The following KLHL6 variants were observed in gnomAD, a reference collection of about 807,000 sequenced individuals.
The protein encoded by KLHL6 is kelch-like protein 6.
KLHL6 carries 41 observed loss-of-function variants against 58.6 expected under a neutral mutation model. That is an observed-to-expected ratio of 0.70 (90% CI 0.55 to 0.91). The LOEUF (loss-of-function observed/expected upper bound fraction) is 0.91, where lower values mean the gene tolerates loss of function less well. KLHL6 is among the 40% of genes least tolerant of loss of function. The pLI is 0.00. For synonymous variants in KLHL6, 338 were observed against 322.7 expected (o/e 1.05, Z -0.51); for missense variants, 714 against 805.6 (o/e 0.89, Z 1.38).
rs553791102 is a variant in KLHL6 at position 183,487,966 on chromosome 3, C to A, written c.*3961G>T. The A allele has an allele frequency of 4.6e-5, 7 of 152,286 alleles. No homozygotes were observed. The highest frequency in any genetic ancestry group is 1.4e-4 in the African/African-American group (6 of 41,542). 9.4% of individuals were successfully genotyped at this position (152,286 alleles called of 1,614,324 possible). On this transcript the variant is annotated 3_prime_UTR_variant, in exon 7 of 7. Transcript: ENST00000341319. ...GATAAGCAAATAACTCACAACAGTACCTCATAGTCTTCTATAAATAGCTAA... is the reference window on the plus strand; with the variant it reads ...GATAAGCAAATAACTCACAACAGTAACTCATAGTCTTCTATAAATAGCTAA...
chr3:183,517,917 G>A (rs1045516939), intron 2 of KLHL6, among the ~76,000 whole-genome samples: 1 of 152,208 alleles, frequency 6.6e-6, no homozygotes, highest in Non-Finnish European at 1.5e-5. Flanking sequence ...AGCAGGAATG[G>A]AAGCAGAAGA....
intron 3 of KLHL6, among the ~76,000 whole-genome samples, chr3:183,507,230 T>C (rs1238204822): frequency 6.6e-6 from 1 of 151,968 alleles, no homozygotes; most frequent in Non-Finnish European, 1.5e-5. Flanking sequence ...GTGAATAAAT[T>C]GGAGGGAGGC....
At chr3:183,549,840 C>T (rs576652713) in intron 1 of KLHL6, among the ~76,000 whole-genome samples, 4 of 152,064 alleles carry the variant, frequency 2.6e-5, no homozygotes, top group South Asian at 2.1e-4. Flanking sequence ...TTTGGGAGGC[C>T]GGGTCAGGAG....
At chr3:183,498,349 C>T (rs1044618540) in intron 4 of KLHL6, among the ~76,000 whole-genome samples, 1 of 152,198 alleles carries the variant, frequency 6.6e-6, no homozygotes, top group African/African-American at 2.4e-5. Context: ...GGAGGAAACA[C>T]GCTCTGGGGT....
At chr3:183,525,780 G>A (rs1183744033) in intron 2 of KLHL6, among the ~76,000 whole-genome samples, 4 of 152,168 alleles carry the variant, frequency 2.6e-5, no homozygotes, top group South Asian at 2.1e-4. Flanking sequence ...GCAGACCTGC[G>A]GCAATGCCCA....
intron 4 of KLHL6, among the ~76,000 whole-genome samples, chr3:183,497,561 C>T (rs1352283218): frequency 6.6e-6 from 1 of 152,160 alleles, no homozygotes; most frequent in Non-Finnish European, 1.5e-5. Context: ...TAAGGGAGGT[C>T]ATGTGGCTAG....
At position 183,492,128 on chromosome 3, in the gene KLHL6, G is replaced by A. The variant is rs566509636; in HGVS notation, c.1665C>T (p.Pro555=). The A allele has an allele frequency of 6.2e-7, 1 of 1,613,784 alleles. No individual in the cohort carries two copies. The highest frequency in any genetic ancestry group is 1.7e-5 in the Admixed American group (1 of 60,032). ...SHERASCGIA[P]CNNRLYITGG... is the part of the protein sequence containing the mutation. ...CGGTGATGTAGAGCCGGTTGTTGCA[G>A]GGCGCGATACCGCAGCTGGCCCGCT... Residue 555 remains proline, a synonymous_variant, in exon 7 of 7, where the codon CCC becomes CCT. Coordinates refer to ENST00000341319, the MANE Select transcript of KLHL6 (RefSeq NM_130446.4). The surrounding 1 kb of genome is among the most constrained non-coding windows in gnomAD (Gnocchi z 5.9).
chr3:183,502,955 C>T lies in KLHL6; in HGVS notation c.910-3128G>A, dbSNP rs545916438. On this transcript the variant is annotated intron_variant, in intron 3 of 6. Transcript: ENST00000341319. The stretch of plus-strand genomic sequence containing the variant: ...TGTCTTATAATTCAGCACCACGGAG[C>T]TGCCGAGTGGTGGCATCATTACCAC... Among the ~76,000 whole-genome samples the T allele has an allele frequency of 5.1e-3, 777 of 152,332 alleles. 10 individuals carry two copies. The highest frequency in any genetic ancestry group is 0.017 in the African/African-American group (721 of 41,580).
chr3:183,548,024 A>T (rs1395677064), intron 1 of KLHL6, among the ~76,000 whole-genome samples: 1 of 152,190 alleles, frequency 6.6e-6, no homozygotes, highest in East Asian at 1.9e-4. Context: ...CTGTTGGAAC[A>T]TTCATTCCAG....
At chr3:183,539,187 T>G (rs989827371) in intron 1 of KLHL6, among the ~76,000 whole-genome samples, 8 of 152,124 alleles carry the variant, frequency 5.3e-5, no homozygotes, top group African/African-American at 1.7e-4. Flanking sequence ...ATGGAAACAA[T>G]TGGCCATAGT....
intron 2 of KLHL6, among the ~76,000 whole-genome samples, chr3:183,517,173 C>G (rs995168839): frequency 1.8e-4 from 28 of 152,156 alleles, no homozygotes; most frequent in African/African-American, 6.8e-4. Context: ...CTTGGCTTCC[C>G]AAAGTGCTGG....
At chr3:183,496,175 G>A (rs2662766) in intron 4 of KLHL6, among the ~76,000 whole-genome samples, 7,235 of 152,122 alleles carry the variant, frequency 0.048, 241 homozygotes, top group Middle Eastern at 0.12. Context: ...AACACAAATA[G>A]CAAAGGATAT....
rs1368618874 is a variant in KLHL6, at chr3:183,499,985, G to C, written c.910-158C>G. Among the ~76,000 whole-genome samples the C allele has an allele frequency of 4.6e-5, 7 of 152,138 alleles. No individual in the cohort carries two copies. Among genetic ancestry groups the C allele is most frequent in the Non-Finnish European group, 8.8e-5 (6 of 68,034 alleles). On this transcript the variant is annotated intron_variant, in intron 3 of 6. Transcript: ENST00000341319. The surrounding 1 kb of genome is among the most constrained non-coding windows in gnomAD (Gnocchi z 4.6). ...CTCAGTTTCATCATCTGTATAATCGGGATAGCAGAGGTAACTACCTCATAG... is the reference window on the plus strand; with the variant it reads ...CTCAGTTTCATCATCTGTATAATCGCGATAGCAGAGGTAACTACCTCATAG...
intron 2 of KLHL6, among the ~76,000 whole-genome samples, chr3:183,516,927 T>G (rs1711587719): frequency 6.6e-6 from 1 of 152,254 alleles, no homozygotes; most frequent in South Asian, 2.1e-4. Context: ...TGTTGTTTTT[T>G]GAGACAGAGT....
chr3:183,548,358 G>A (rs115664353), intron 1 of KLHL6, among the ~76,000 whole-genome samples: 1,599 of 152,266 alleles, frequency 0.011, 29 homozygotes, highest in African/African-American at 0.037. Flanking sequence ...GGGGTTATCA[G>A]GCTTTTCTCT....
rs997302348 is a variant in KLHL6, at chr3:183,499,178, C to T, written c.1147+412G>A. Reference sequence around the variant, plus strand: ...CCAACATGGTGAAACCCCGTCTCTACTAAAAGTACAAAAATTAGCTGGGCA... The same window carrying T: ...CCAACATGGTGAAACCCCGTCTCTATTAAAAGTACAAAAATTAGCTGGGCA... On this transcript the variant is annotated intron_variant, in intron 4 of 6. Coordinates refer to ENST00000341319, the MANE Select transcript of KLHL6 (RefSeq NM_130446.4). The surrounding 1 kb of genome is among the most constrained non-coding windows in gnomAD (Gnocchi z 4.6). 2.0e-5 allele frequency among the ~76,000 whole-genome samples: 3 copies of T among 152,032 alleles called. No individual in the cohort carries two copies. The highest frequency in any genetic ancestry group is 1.3e-4 in the Admixed American group (2 of 15,274).
intron 2 of KLHL6, among the ~76,000 whole-genome samples, chr3:183,514,317 G>A (rs564768931): frequency 1.3e-5 from 2 of 152,218 alleles, no homozygotes; most frequent in Admixed American, 6.5e-5. Context: ...CAATCTGGCT[G>A]TCAGTCATCA....
At chr3:183,531,456 T>G (rs916156314) in intron 1 of KLHL6, among the ~76,000 whole-genome samples, 1 of 138,622 alleles carries the variant, frequency 7.2e-6, no homozygotes, top group Non-Finnish European at 1.6e-5. Flanking sequence ...TTTTTTTTTT[T>G]TTTTTTTTTT....
chr3:183,552,435 CTGGTCGGGCGCG>C (rs1560114115), intron 1 of KLHL6: 2 of 152,164 alleles, frequency 1.3e-5, no homozygotes, highest in Non-Finnish European at 2.9e-5. Flanking sequence ...GCCTCACAGA[CTGGTCGGGCGCG>C]GTGGCTCACG....
Sources: allele counts gnomAD v4.1 joint callset (sites outside exome capture counted in the v4.1 genomes callset), GRCh38; gene constraint gnomAD v4.1.1; non-coding constraint Gnocchi (gnomAD v3.1); transcripts MANE v1.5; gene names NCBI Gene and HGNC (gene_info 2026-07-23, HGNC 2026-07-21).